Variants in SGO2 observed in about 807,000 individuals in gnomAD.
SGO2 encodes the protein shugoshin 2.
SGO2 carries 68 observed loss-of-function variants against 99.5 expected under a neutral mutation model. The observed-to-expected ratio is 0.68, with a 90% CI of 0.56 to 0.84. The LOEUF is 0.84. SGO2 is among the 40% of genes least tolerant of loss of function. The probability of loss-of-function intolerance (pLI) is 0.00; values close to 1 mark genes in which losing one functional copy is unlikely to be tolerated. For missense variants in SGO2, 1,350 were observed against 1,436.7 expected (o/e 0.94, Z 0.97); for synonymous variants, 457 against 487.1 (o/e 0.94, Z 0.81).
At chr2:200,557,341 T>G (rs190501308) in intron 5 of SGO2, among the ~76,000 whole-genome samples, 1 of 152,128 alleles carries the variant, frequency 6.6e-6, no homozygotes, top group Non-Finnish European at 1.5e-5. Context: ...TCCCCTAAGT[T>G]GGGCCTCTAA....
intron 3 of SGO2, 104 bp from the exon 4 acceptor site, chr2:200,535,960 CT>C: frequency 1.6e-6 from 1 of 627,526 alleles, no homozygotes; most frequent in Admixed American, 2.7e-5. Context: ...ATGATATCAA[CT>C]ATTTTTTAAG....
In SGO2 at chr2:200,573,080, T is replaced by G. The variant is rs752352903; in HGVS notation, c.2734T>G (p.Trp912Gly). 1.3e-6 allele frequency: 2 copies of G among 1,576,832 alleles called. No individual in the cohort carries two copies. The highest frequency in any genetic ancestry group is 4.1e-5 in the Admixed American group (2 of 49,114). ...AAATAAGCTCAGGAATAAAGTGAAT[T>G]GGAAGACAGAAATAATTTCTGAAAT... Reference protein sequence around the residue: ...KINKLRNKVNWKTEIISEMNQ... With the variant: ...KINKLRNKVNGKTEIISEMNQ... The change falls in exon 7 of 9, where the codon TGG becomes GGG. Residue 912 changes from tryptophan (W) to glycine (G), a missense_variant. Trp to Gly is a radical substitution (Grantham distance 184, BLOSUM62 -2). Transcript: ENST00000357799.
intron 1 of SGO2, 84 bp from the exon 2 acceptor site, chr2:200,532,890 G>A: frequency 2.2e-6 from 3 of 1,337,828 alleles, no homozygotes; most frequent in Non-Finnish European, 1.0e-6. Flanking sequence ...ATTAAGTCAT[G>A]ATTGTTACTT....
chr2:200,546,569 T>C lies in SGO2; in HGVS notation c.473+3905T>C, dbSNP rs2032229582. Among the ~76,000 whole-genome samples, 8 of 152,146 alleles carry C rather than the reference T, an allele frequency of 5.3e-5. No individual in the cohort carries two copies. In the South Asian group the frequency reaches 1.2e-3, roughly 24 times the overall value. On this transcript the variant is annotated intron_variant, in intron 5 of 8. Transcript: ENST00000357799. ...ACTGATGAAGTGGCAGTTTGTGATT[T>C]CTTGGACCAAGAATTCTAAATAGTA...
Position 200,573,012 on chromosome 2 carries a change from A to G in SGO2, c.2666A>G (p.Tyr889Cys), listed in dbSNP as rs774773159. Reference sequence around the variant, plus strand: ...CAGAATATATTGGAGTTGAAAAAGTATGTTACTGATAGGAAATCTGCTGAG... The same window carrying G: ...CAGAATATATTGGAGTTGAAAAAGTGTGTTACTGATAGGAAATCTGCTGAG... ...DTQNILELKK[Y>C]VTDRKSAEQN... The change falls in exon 7 of 9, where the codon TAT (tyrosine) becomes TGT (cysteine). Residue 889 changes from tyrosine (Y) to cysteine (C), a missense_variant. Coordinates refer to ENST00000357799, the MANE Select transcript of SGO2 (RefSeq NM_152524.6). 22 of 1,573,110 alleles carry G rather than the reference A, an allele frequency of 1.4e-5. No homozygotes were observed. In the African/African-American group the frequency reaches 1.9e-4, roughly 14 times the overall value.
chr2:200,583,621 TA>T lies in SGO2; in HGVS notation c.*159del. 1.9e-6 allele frequency: 1 copy of T among 529,200 alleles called. No individual in the cohort carries two copies. 32.8% of individuals were successfully genotyped at this position (529,200 alleles called of 1,614,324 possible). ...TGATTTGTCCATTCTTAATGTTTAT[TA>T]ATAGGTATATGTGCATAAAATAGCT... On this transcript the variant is annotated 3_prime_UTR_variant, in exon 9 of 9. Coordinates refer to ENST00000357799, the MANE Select transcript of SGO2 (RefSeq NM_152524.6).
At chr2:200,545,475 A>C (rs2032170418) in intron 5 of SGO2, among the ~76,000 whole-genome samples, 1 of 152,092 alleles carries the variant, frequency 6.6e-6, no homozygotes, top group Admixed American at 6.5e-5. Context: ...TTTTGAGAAA[A>C]TCTTTATTGG....
intron 5 of SGO2, among the ~76,000 whole-genome samples, chr2:200,556,637 G>C (rs957205664): frequency 6.6e-6 from 1 of 152,180 alleles, no homozygotes; most frequent in Admixed American, 6.5e-5. Context: ...CCTAAGCTGG[G>C]TATTGAACCC....
chr2:200,542,604 C>A lies in SGO2; in HGVS notation c.413C>A (p.Ser138Ter). Residue 138 changes from serine to a stop codon, truncating the protein, a stop_gained, in exon 5 of 9, where the codon TCA becomes TAA. Transcript: ENST00000357799. LOFTEE classifies it high-confidence loss of function. The part of the protein sequence containing the change: ...SEFHQSSFLL[S>*]ASKKKRISKQ... ...TTCCATCAGAGTTCCTTTCTACTGT[C>A]AGCTAGCAAGAAGAAACGAATTAGT... The A allele has an allele frequency of 1.2e-6, 2 of 1,612,688 alleles. No individual in the cohort carries two copies. Among genetic ancestry groups the A allele is most frequent in the South Asian group, 2.2e-5 (2 of 90,968 alleles).
intron 5 of SGO2, among the ~76,000 whole-genome samples, chr2:200,560,873 G>A (rs1346871546): frequency 6.6e-6 from 1 of 152,068 alleles, no homozygotes; most frequent in Non-Finnish European, 1.5e-5. Flanking sequence ...AGTAATTTGG[G>A]CCTGGAGTTT....
At chr2:200,565,278 A>AT (rs1326208254) in intron 5 of SGO2, among the ~76,000 whole-genome samples, 5 of 152,054 alleles carry the variant, frequency 3.3e-5, no homozygotes, top group Admixed American at 6.6e-5. Flanking sequence ...ATCGCTCAGT[A>AT]TTTGCTTGTC....
In SGO2 at chr2:200,536,151, A is replaced by T; in HGVS notation, c.387+9A>T. The T allele has an allele frequency of 2.6e-6, 4 of 1,538,028 alleles. No individual in the cohort carries two copies. Among genetic ancestry groups the T allele is most frequent in the Non-Finnish European group, 2.7e-6 (3 of 1,118,146 alleles). On this transcript the variant is annotated intron_variant, in intron 4 of 8. Transcript: ENST00000357799. The stretch of plus-strand genomic sequence containing the variant: ...TGAGCAGTCTTTCTGAGGTAAGTAG[A>T]ATTTATATGTAAATAGTGTTGTTCT...
chr2:200,571,364 C>G lies in SGO2; in HGVS notation c.1018C>G (p.Pro340Ala). 6.2e-7 allele frequency: 1 copy of G among 1,612,514 alleles called. No homozygotes were observed. Among genetic ancestry groups the G allele is most frequent in the Non-Finnish European group, 8.5e-7 (1 of 1,178,904 alleles). ...CTTATCTTCTGAGTCTGCCAGAGAACCTAATGCAGAGTGCATGAATCAAAT... is the reference window on the plus strand; with the variant it reads ...CTTATCTTCTGAGTCTGCCAGAGAAGCTAATGCAGAGTGCATGAATCAAAT... Reference protein sequence around the residue: ...PGLSSESAREPNAECMNQIED... With the variant: ...PGLSSESAREANAECMNQIED... Residue 340 changes from proline (P) to alanine (A), a missense_variant, in exon 7 of 9, where the codon CCT (proline) becomes GCT (alanine). By Grantham distance (27) the Pro-to-Ala change is conservative. Transcript: ENST00000357799.
In SGO2 at chr2:200,571,304, A is replaced by G. The variant is rs1319135445; in HGVS notation, c.958A>G (p.Thr320Ala). Residue 320 changes from threonine to alanine, a missense_variant, in exon 7 of 9, where the codon ACT (threonine) becomes GCT (alanine). By Grantham distance (58) the Thr-to-Ala change is moderately conservative (BLOSUM62 0). Transcript: ENST00000357799. ...AAATGGTCATACTAATGAAACAAAT[A>G]CTGAAATGCAAAGAAATAAACAGGA... ...EINGHTNETNTEMQRNKQDLP... is the reference protein window; with the variant it reads ...EINGHTNETNAEMQRNKQDLP... 2 of 1,613,182 alleles carry G rather than the reference A, an allele frequency of 1.2e-6. No individual in the cohort carries two copies. The highest frequency in any genetic ancestry group is 1.7e-5 in the Admixed American group (1 of 59,890).
intron 5 of SGO2, among the ~76,000 whole-genome samples, chr2:200,552,193 A>C (rs1414169645): frequency 6.6e-6 from 1 of 152,196 alleles, no homozygotes; most frequent in East Asian, 1.9e-4. Flanking sequence ...TCTCAGATTT[A>C]TTTCTATTCA....
Position 200,571,640 on chromosome 2 carries a change from A to C in SGO2, c.1294A>C (p.Arg432=). 6.2e-7 allele frequency: 1 copy of C among 1,613,280 alleles called. No individual in the cohort carries two copies. The highest frequency in any genetic ancestry group is 2.2e-5 in the East Asian group (1 of 44,868). The change falls in exon 7 of 9, where the codon AGG becomes CGG. Residue 432 remains arginine, a synonymous_variant. Coordinates refer to ENST00000357799, the MANE Select transcript of SGO2 (RefSeq NM_152524.6). The part of the protein sequence containing the change: ...DVDIGEKIEN[R]TERSDVLDGK... ...CGATATTGGGGAAAAGATTGAAAAC[A>C]GGACAGAAAGATCTGATGTCCTGGA...
intron 5 of SGO2, among the ~76,000 whole-genome samples, chr2:200,566,465 G>T (rs1157042223): frequency 2.0e-5 from 3 of 152,178 alleles, no homozygotes; most frequent in African/African-American, 7.2e-5. Flanking sequence ...GCCATATGAG[G>T]TGTCAGTCGG....
In SGO2 at chr2:200,583,552, AT is replaced by A; in HGVS notation, c.*89del. On this transcript the variant is annotated 3_prime_UTR_variant, in exon 9 of 9. Coordinates refer to ENST00000357799, the MANE Select transcript of SGO2 (RefSeq NM_152524.6). ...TAGTATCAAGAAGATGAAATGCTTA[AT>A]GAAAAGGTTTTTTTTTTGTTTCTTT... 7.9e-7 allele frequency: 1 copy of A among 1,262,840 alleles called. No homozygotes were observed. The highest frequency in any genetic ancestry group is 1.6e-5 in the South Asian group (1 of 63,788). 78.2% of individuals were successfully genotyped at this position (1,262,840 alleles called of 1,614,324 possible).
intron 5 of SGO2, among the ~76,000 whole-genome samples, chr2:200,545,873 A>G (rs571207876): frequency 1.3e-5 from 2 of 152,326 alleles, no homozygotes; most frequent in Non-Finnish European, 2.9e-5. Context: ...TGAAGGGAGA[A>G]ATATCCCGGA....
Sources: allele counts gnomAD v4.1 joint callset (sites outside exome capture counted in the v4.1 genomes callset), GRCh38; gene constraint gnomAD v4.1.1; transcripts MANE v1.5; gene names NCBI Gene and HGNC (gene_info 2026-07-23, HGNC 2026-07-21).